The following PPP6R3 variants were observed in gnomAD, a reference collection of about 807,000 sequenced individuals.
The protein encoded by PPP6R3 is protein phosphatase 6 regulatory subunit 3.
In PPP6R3, 38 loss-of-function variants were observed where a neutral mutation model predicts 110.7. The observed-to-expected ratio is 0.34, with a 90% CI of 0.26 to 0.45. The LOEUF (loss-of-function observed/expected upper bound fraction) is 0.45. Ranked by LOEUF, PPP6R3 falls within the 20% of genes least tolerant of loss-of-function variation. The pLI is 1.00. For synonymous variants in PPP6R3, 369 were observed against 373.5 expected, an observed-to-expected ratio of 0.99 and a Z score of 0.14; for missense variants, 870 against 1,062.4, an observed-to-expected ratio of 0.82 and a Z score of 2.52.
intron 2 of PPP6R3, among the ~76,000 whole-genome samples, chr11:68,532,268 G>A (rs2099245182): frequency 6.6e-6 from 1 of 152,130 alleles, no homozygotes; most frequent in Admixed American, 6.5e-5. Flanking sequence ...CTCAACAAAT[G>A]GATCCTTTGA....
chr11:68,585,808 A>G (rs564805728), intron 15 of PPP6R3, among the ~76,000 whole-genome samples: 11 of 152,366 alleles, frequency 7.2e-5, no homozygotes, highest in Non-Finnish European at 1.2e-4. Flanking sequence ...ATAGATAAAT[A>G]TATATCTGTA....
At chr11:68,529,059 G>A (rs2099219802) in intron 2 of PPP6R3, among the ~76,000 whole-genome samples, 1 of 152,174 alleles carries the variant, frequency 6.6e-6, no homozygotes, top group African/African-American at 2.4e-5. Context: ...GTTTTCTAGA[G>A]GTTGAGTGAG....
intron 18 of PPP6R3, among the ~76,000 whole-genome samples, chr11:68,592,224 TTA>T (rs137859990): frequency 0.013 from 2,056 of 152,302 alleles, 55 homozygotes; most frequent in African/African-American, 0.047. Flanking sequence ...ACAAATCTTG[TTA>T]TATGAGCATT....
Position 68,552,016 on chromosome 11 carries a change from A to G in PPP6R3, c.618+830A>G, listed in dbSNP as rs140389082. Among the ~76,000 whole-genome samples, 1,178 of 152,180 alleles carry G rather than the reference A, an allele frequency of 7.7e-3. 18 individuals carry two copies. The highest frequency in any genetic ancestry group is 0.027 in the African/African-American group (1,114 of 41,518). On this transcript the variant is annotated intron_variant, in intron 6 of 23. Transcript: ENST00000393800. ...GTTACAGGATTGAAGCTAGATTTGG[A>G]GTTTGCAGATTGAACTCTGTGCTGA...
intron 18 of PPP6R3, 143 bp downstream of exon 18, chr11:68,591,849 GT>G: frequency 1.0e-6 from 1 of 991,910 alleles, no homozygotes; most frequent in Non-Finnish European, 1.4e-6. Flanking sequence ...AAATGCCCTT[GT>G]TGGCGGGAGT....
At chr11:68,571,560 A>G (rs1485122962) in intron 12 of PPP6R3, among the ~76,000 whole-genome samples, 6 of 152,214 alleles carry the variant, frequency 3.9e-5, no homozygotes, top group African/African-American at 9.7e-5. Context: ...TTTTTAGAAA[A>G]TGTTTGTTAG....
At chr11:68,580,368 A>G (rs576537462) in intron 14 of PPP6R3, among the ~76,000 whole-genome samples, 3 of 152,292 alleles carry the variant, frequency 2.0e-5, no homozygotes, top group South Asian at 2.1e-4. Context: ...GGCTGTGGCT[A>G]TTGGGTTGAG....
intron 22 of PPP6R3, among the ~76,000 whole-genome samples, chr11:68,604,689 C>T (rs1938472873): frequency 6.6e-6 from 1 of 152,196 alleles, no homozygotes; most frequent in Non-Finnish European, 1.5e-5. Flanking sequence ...AAATCACTTG[C>T]ATCCTATAAA....
chr11:68,550,283 A>T (rs1353103171), intron 5 of PPP6R3, among the ~76,000 whole-genome samples: 1 of 152,038 alleles, frequency 6.6e-6, no homozygotes, highest in South Asian at 2.1e-4. Flanking sequence ...GCAGCCAGAG[A>T]GTGTCAGGGT....
intron 18 of PPP6R3, 24 bp downstream of exon 18, chr11:68,591,730 G>T: frequency 6.3e-7 from 1 of 1,597,254 alleles, no homozygotes. Flanking sequence ...GGTTATAGTT[G>T]TAATTATAGC....
chr11:68,546,608 T>C (rs886495320), intron 4 of PPP6R3, among the ~76,000 whole-genome samples: 3 of 152,190 alleles, frequency 2.0e-5, no homozygotes, highest in African/African-American at 7.2e-5. Flanking sequence ...AATAAAGGTT[T>C]TCTGTTATGT....
At chr11:68,516,338 G>A (rs1441713092) in intron 1 of PPP6R3, among the ~76,000 whole-genome samples, 3 of 152,154 alleles carry the variant, frequency 2.0e-5, no homozygotes, top group Non-Finnish European at 4.4e-5. Context: ...GTGACTGGTT[G>A]CAGTCACAAT....
chr11:68,542,392 T>TTTTTTTTTTTTG (rs2099322780), intron 3 of PPP6R3, among the ~76,000 whole-genome samples: 1 of 99,144 alleles, frequency 1.0e-5, no homozygotes, highest in African/African-American at 4.1e-5. Context: ...AGCTGCTGTT[T>TTTTTTTTTTTTG]TTTTTTTTTT....
At chr11:68,519,885 G>C (rs927701852) in intron 2 of PPP6R3, among the ~76,000 whole-genome samples, 3 of 152,130 alleles carry the variant, frequency 2.0e-5, no homozygotes, top group South Asian at 4.1e-4. Flanking sequence ...AAGCTTATAG[G>C]GGGTTATTGA....
At chr11:68,493,483 T>C (rs2098996104) in intron 1 of PPP6R3, among the ~76,000 whole-genome samples, 2 of 151,342 alleles carry the variant, frequency 1.3e-5, no homozygotes, top group African/African-American at 2.4e-5. Flanking sequence ...CCCAGGCTGG[T>C]GTGCAATGGT....
chr11:68,477,740 AAATATATATAT>A (rs1377926914), intron 1 of PPP6R3, among the ~76,000 whole-genome samples: 19 of 70,640 alleles, frequency 2.7e-4, no homozygotes, highest in African/African-American at 7.4e-4. Context: ...AAAAAAAAAA[AAATATATATAT>A]ATATATATAT....
intron 21 of PPP6R3, 68 bp from the exon 22 acceptor site, chr11:68,603,272 TTG>T (rs2099637374): frequency 6.3e-7 from 1 of 1,585,646 alleles, no homozygotes; most frequent in Non-Finnish European, 8.6e-7. Flanking sequence ...GTAGATGGGT[TTG>T]TACAGTGGTG....
intron 4 of PPP6R3, among the ~76,000 whole-genome samples, chr11:68,546,197 G>T (rs1003805893): frequency 6.6e-6 from 1 of 152,184 alleles, no homozygotes; most frequent in African/African-American, 2.4e-5. Context: ...CCCAAATCAT[G>T]ATTAATGTAG....
intron 1 of PPP6R3, among the ~76,000 whole-genome samples, chr11:68,473,674 GT>G (rs1306880727): frequency 6.6e-6 from 1 of 152,210 alleles, no homozygotes; most frequent in Non-Finnish European, 1.5e-5. Flanking sequence ...GGTAGATGGT[GT>G]TGGAATTGAA....
Sources: gnomAD v4.1 joint callset for allele counts (sites outside exome capture counted in the v4.1 genomes callset) on GRCh38, gnomAD v4.1.1 for gene constraint, MANE v1.5 for transcripts, NCBI Gene and HGNC (gene_info 2026-07-23, HGNC 2026-07-21) for gene names.